SUFU: variants seen among roughly 807,000 people sequenced by gnomAD.
The protein encoded by SUFU is suppressor of fused homolog.
Under a neutral mutation model 58.9 loss-of-function variants are expected in SUFU, and 7 were observed. The ratio of observed to expected loss-of-function variants is 0.12; its 90% CI spans 0.07 to 0.22. The LOEUF is 0.22. SUFU is among the 10% of genes least tolerant of loss of function. The pLI, the probability that SUFU is intolerant of heterozygous loss-of-function variation, is 1.00. For missense variants in SUFU, 451 were observed against 641.3 expected, an observed-to-expected ratio of 0.70 and a Z score of 3.20; for synonymous variants, 232 against 254.8, an observed-to-expected ratio of 0.91 and a Z score of 0.85.
At chr10:102,557,050 C>T (rs767989779) in intron 3 of SUFU, among the ~76,000 whole-genome samples, 39 of 151,750 alleles carry the variant, frequency 2.6e-4, no homozygotes, top group Middle Eastern at 6.8e-3. Context: ...TACTGCACTC[C>T]AGTCTGAGCA....
chr10:102,607,914 CAA>C (rs1183038612), intron 8 of SUFU, among the ~76,000 whole-genome samples: 1 of 113,996 alleles, frequency 8.8e-6, no homozygotes. Context: ...CCATCTCAAA[CAA>C]AAAAAAAAAG....
rs35718199 is a variant in SUFU at position 102,628,126 on chromosome 10, A to AG, written c.1365+887dup. ...TTGGGGGAGAACTCCTTCGCCTCCCAGGGGCCAGGCTTTCTACCAAGAGGG... is the reference window on the plus strand; with the variant it reads ...TTGGGGGAGAACTCCTTCGCCTCCCAGGGGGCCAGGCTTTCTACCAAGAGGG... On this transcript the variant is annotated intron_variant, in intron 11 of 11. Transcript: ENST00000369902. This position sits in a 1 kb window ranked among gnomAD's most constrained non-coding sequence, Gnocchi z 4.5. Among the ~76,000 whole-genome samples the AG allele has an allele frequency of 6.6e-6, 1 of 152,100 alleles. No individual in the cohort carries two copies. Among genetic ancestry groups the AG allele is most frequent in the African/African-American group, 2.4e-5 (1 of 41,430 alleles).
chr10:102,610,747 A>G lies in SUFU; in HGVS notation c.1023-4521A>G, dbSNP rs115837218. On this transcript the variant is annotated intron_variant, in intron 8 of 11. Transcript: ENST00000369902. ...TCTGAAGTCAGGAAGGAATGCCAAT[A>G]TGATGGATGCCAGAGTCAGGTTTCA... Among the ~76,000 whole-genome samples the G allele has an allele frequency of 2.5e-3, 378 of 152,320 alleles. 3 individuals are homozygous for G. The highest frequency in any genetic ancestry group is 8.7e-3 in the African/African-American group (361 of 41,558).
In SUFU at chr10:102,617,952, TGACCAGA is replaced by T; in HGVS notation, c.1296+529_1296+535del. 5.1e-6 allele frequency: 1 copy of T among 197,986 alleles called. No homozygotes were observed. The highest frequency in any genetic ancestry group is 5.3e-5 in the Admixed American group (1 of 18,738). 12.3% of individuals were successfully genotyped at this position (197,986 alleles called of 1,614,324 possible). A position where few individuals can be genotyped will look rare whatever the true frequency, so the allele number is the denominator to read the frequency against. Reference sequence around the variant, plus strand: ...CCCTCCCGTTCCTCCTGAGTTTGTGTGACCAGAGACCTGCTGGCTTATCCGGAGCACT... The same window carrying T: ...CCCTCCCGTTCCTCCTGAGTTTGTGTGACCTGCTGGCTTATCCGGAGCACT... On this transcript the variant is annotated intron_variant, in intron 10 of 11. Transcript: ENST00000369902. This position sits in a 1 kb window ranked among gnomAD's most constrained non-coding sequence, Gnocchi z 4.4.
At chr10:102,622,991 CAAAAAAAAAAAAAAA>C (rs60442672) in intron 10 of SUFU, among the ~76,000 whole-genome samples, 1 of 58,368 alleles carries the variant, frequency 1.7e-5, no homozygotes, top group East Asian at 5.0e-4. Flanking sequence ...AACTCCGTCT[CAAAAAAAAAAAAAAA>C]AAAAAAAAAA....
At chr10:102,543,529 A>G (rs1811841350) in intron 2 of SUFU, among the ~76,000 whole-genome samples, 1 of 152,204 alleles carries the variant, frequency 6.6e-6, no homozygotes, top group African/African-American at 2.4e-5. Context: ...TAATTTTAGA[A>G]CTTTTTCTTT....
Position 102,617,233 on chromosome 10 carries a change from G to A in SUFU, c.1158-57G>A. The A allele has an allele frequency of 6.2e-7, 1 of 1,613,208 alleles. No individual in the cohort carries two copies. Among genetic ancestry groups the A allele is most frequent in the Non-Finnish European group, 8.5e-7 (1 of 1,179,612 alleles). On this transcript the variant is annotated intron_variant, in intron 9 of 11. Coordinates refer to ENST00000369902, the MANE Select transcript of SUFU (RefSeq NM_016169.4). The surrounding 1 kb of genome is among the most constrained non-coding windows in gnomAD (Gnocchi z 4.4). ...TCCCAGAGCCTTGGCCAGGCCTGCT[G>A]TGCTTGGAACTGTTTCCAAGCCCAG...
chr10:102,528,840 G>A (rs915742245), intron 2 of SUFU, among the ~76,000 whole-genome samples: 2 of 152,090 alleles, frequency 1.3e-5, no homozygotes, highest in African/African-American at 4.8e-5. Flanking sequence ...GGGGTATAGC[G>A]CAAAGAAAGC....
intron 3 of SUFU, among the ~76,000 whole-genome samples, chr10:102,590,205 A>G (rs7898166): frequency 0.48 from 61,552 of 129,444 alleles, 14,309 homozygotes; most frequent in East Asian, 0.69. Context: ...TCACACTGTC[A>G]CCCAGGCTAG....
intron 8 of SUFU, among the ~76,000 whole-genome samples, chr10:102,610,948 G>A (rs2135918349): frequency 6.6e-6 from 1 of 152,270 alleles, no homozygotes; most frequent in Middle Eastern, 3.4e-3. Flanking sequence ...GTATGAGGAG[G>A]TTACAAAGAG....
At chr10:102,503,951 C>A (rs1222242003), upstream of SUFU, 7 of 675,892 alleles carry the variant, frequency 1.0e-5, no homozygotes, top group African/African-American at 1.2e-4. Context: ...AGCGCCCCGC[C>A]GCCCCGAGGC....
intron 3 of SUFU, among the ~76,000 whole-genome samples, chr10:102,559,736 A>G (rs2063016581): frequency 6.6e-6 from 1 of 152,162 alleles, no homozygotes; most frequent in Non-Finnish European, 1.5e-5. Context: ...TCCCCAACTC[A>G]ACAGGGCTTG....
chr10:102,603,619 GA>G (rs1295482343), intron 8 of SUFU, among the ~76,000 whole-genome samples: 1 of 152,070 alleles, frequency 6.6e-6, no homozygotes, highest in African/African-American at 2.4e-5. Context: ...CAGCTTTTAA[GA>G]CCTTTAAAAA....
chr10:102,557,527 A>C (rs2062993921), intron 3 of SUFU, among the ~76,000 whole-genome samples: 1 of 152,002 alleles, frequency 6.6e-6, no homozygotes, highest in South Asian at 2.1e-4. Context: ...AGGGAGGTCG[A>C]GGCTGCCTTG....
intron 8 of SUFU, among the ~76,000 whole-genome samples, chr10:102,611,189 C>T (rs930202889): frequency 7.2e-5 from 11 of 152,234 alleles, no homozygotes; most frequent in African/African-American, 2.6e-4. Context: ...AAAGTTAGAG[C>T]CACAGATAGT....
At chr10:102,520,111 A>G (rs2135664375) in intron 2 of SUFU, among the ~76,000 whole-genome samples, 1 of 149,930 alleles carries the variant, frequency 6.7e-6, no homozygotes, top group Admixed American at 6.6e-5. Flanking sequence ...ATTGTGGTTT[A>G]TTTGTTATCA....
intron 2 of SUFU, among the ~76,000 whole-genome samples, chr10:102,522,832 A>G (rs1589989040): frequency 6.6e-6 from 1 of 152,208 alleles, no homozygotes; most frequent in African/African-American, 2.4e-5. Flanking sequence ...AGTTCTGGGC[A>G]TGAGGCTTGT....
In SUFU at chr10:102,561,672, T is replaced by TTTC. The variant is rs2063038612; in HGVS notation, c.454+11568_454+11569insCTT. ...GGTTAGGAAAGACCAGCAAGCTTTT[T>TTTC]TTTTTTTTTTTTTTGAGATGGGATC... is the stretch of plus-strand genomic sequence containing the variant. On this transcript the variant is annotated intron_variant, in intron 3 of 11. Transcript: ENST00000369902. 2.7e-5 allele frequency among the ~76,000 whole-genome samples: 4 copies of TTTC among 148,148 alleles called. No individual in the cohort carries two copies. In the East Asian group the frequency reaches 7.9e-4, roughly 29 times the overall value.
rs2135929892 is a variant in SUFU, at chr10:102,615,292, T to A, written c.1047T>A (p.Ser349Arg). 2 of 1,614,096 alleles carry A rather than the reference T, an allele frequency of 1.2e-6. No homozygotes were observed. Among genetic ancestry groups the A allele is most frequent in the Non-Finnish European group, 1.7e-6 (2 of 1,180,002 alleles). Residue 349 changes from serine to arginine, a missense_variant, in exon 9 of 12, where the codon AGT becomes AGA. By Grantham distance (110) the Ser-to-Arg change is moderately radical. Transcript: ENST00000369902. ...RAPSRKDSLE[S>R]DSSTAIIPHE... ...GGAGCCGCAAAGACAGCCTGGAAAG[T>A]GACAGCTCCACGGCCATCATTCCCC...
Sources: gnomAD v4.1 joint callset for allele counts (sites outside exome capture counted in the v4.1 genomes callset) on GRCh38, gnomAD v4.1.1 for gene constraint, Gnocchi (gnomAD v3.1) non-coding constraint, MANE v1.5 for transcripts, NCBI Gene and HGNC (gene_info 2026-07-23, HGNC 2026-07-21) for gene names.